ZNF532: variants seen among roughly 807,000 people sequenced by gnomAD.
The protein encoded by ZNF532 is zinc finger protein 532.
ZNF532 carries 22 observed loss-of-function variants against 89.3 expected under a neutral mutation model. The ratio of observed to expected loss-of-function variants is 0.25; its 90% CI spans 0.18 to 0.35. The LOEUF is 0.35. Ranked by LOEUF, ZNF532 falls within the 10% of genes least tolerant of loss-of-function variation. ZNF532 has a pLI of 1.00. For synonymous variants in ZNF532, 606 were observed against 649.6 expected (o/e 0.93, Z 1.02); for missense variants, 1,132 against 1,643.4 (o/e 0.69, Z 5.38).
In ZNF532 at chr18:58,972,512, T is replaced by C. The variant is rs953901257; in HGVS notation, c.3151-6543T>C. Among the ~76,000 whole-genome samples the C allele has an allele frequency of 7.2e-5, 11 of 152,292 alleles. No homozygotes were observed. The East Asian group carries it at 2.1e-3, about 29-fold the overall frequency. ...GAAGTCTAAAATGTACCATACGTGC[T>C]TCATTTTGAAAATGGAAGCTGCTGA... On this transcript the variant is annotated intron_variant, in intron 7 of 9. Coordinates refer to ENST00000591808, the MANE Select transcript of ZNF532 (RefSeq NM_001375912.1).
rs7408091 is a variant in ZNF532, at chr18:58,940,969, C to T, written c.2705+1348C>T. ...ACACACACACACACACTCTTTCTCTCTCTCTCTCTCTCTCTCTCTCTCCTG... is the reference window on the plus strand; with the variant it reads ...ACACACACACACACACTCTTTCTCTTTCTCTCTCTCTCTCTCTCTCTCCTG... On this transcript the variant is annotated intron_variant, in intron 5 of 9. Transcript: ENST00000591808. 2.1e-4 allele frequency among the ~76,000 whole-genome samples: 30 copies of T among 143,224 alleles called. No individual in the cohort carries two copies. The East Asian group carries it at 3.0e-3, about 14-fold the overall frequency. 94.0% of individuals were successfully genotyped at this position (143,224 alleles called of 152,430 possible). A position where few individuals can be genotyped will look rare whatever the true frequency, so the allele number is the denominator to read the frequency against.
intron 2 of ZNF532, among the ~76,000 whole-genome samples, chr18:58,888,810 A>ATTT (rs2058597645): frequency 8.5e-5 from 1 of 11,760 alleles, no homozygotes; most frequent in Non-Finnish European, 1.4e-4. Context: ...TATATATATA[A>ATTT]AAAATTATAT....
intron 6 of ZNF532, among the ~76,000 whole-genome samples, chr18:58,949,385 T>G (rs1431429437): frequency 6.6e-6 from 1 of 152,170 alleles, no homozygotes; most frequent in Non-Finnish European, 1.5e-5. Flanking sequence ...TCTCTTTCTT[T>G]TAGTTTTGCT....
At chr18:58,871,488 C>T (rs1455519351) in intron 2 of ZNF532, among the ~76,000 whole-genome samples, 4 of 152,166 alleles carry the variant, frequency 2.6e-5, no homozygotes, top group Non-Finnish European at 4.4e-5. Context: ...CCTCCCAGCT[C>T]GTAAGTGGAA....
chr18:58,893,872 C>T (rs747933812), intron 2 of ZNF532, among the ~76,000 whole-genome samples: 21 of 152,094 alleles, frequency 1.4e-4, no homozygotes, highest in Non-Finnish European at 2.6e-4. Context: ...AATGGTGACT[C>T]GTTTTTACCT....
chr18:58,909,897 A>G (rs997319655), intron 2 of ZNF532, among the ~76,000 whole-genome samples: 2 of 152,174 alleles, frequency 1.3e-5, no homozygotes, highest in Non-Finnish European at 2.9e-5. Flanking sequence ...GTATTATGTC[A>G]CATAGCCTGG....
intron 7 of ZNF532, among the ~76,000 whole-genome samples, chr18:58,960,041 C>T (rs1021971877): frequency 6.6e-6 from 1 of 152,146 alleles, no homozygotes; most frequent in East Asian, 1.9e-4. Context: ...CAGGTTCAAG[C>T]GATTCTCCTG....
intron 3 of ZNF532, 105 bp downstream of exon 3, chr18:58,920,738 GT>G: frequency 2.4e-4 from 1 of 4,084 alleles, no homozygotes; most frequent in East Asian, 0.013. Context: ...AAATGGACGT[GT>G]GTGTGTGTGT....
rs1279461356 is a variant in ZNF532, at chr18:58,918,122, T to C, written c.-17-149T>C. The C allele has an allele frequency of 8.4e-6, 6 of 714,112 alleles. No homozygotes were observed. In the African/African-American group the frequency reaches 1.1e-4, roughly 13 times the overall value. The allele number at this position is 714,112 out of a possible 1,614,324, so 44.2% of individuals were successfully genotyped here. On this transcript the variant is annotated intron_variant, in intron 2 of 9. Coordinates refer to ENST00000591808, the MANE Select transcript of ZNF532 (RefSeq NM_001375912.1). ...TGTATTTTCTCGATGTTTGTCCACT[T>C]GGACTCAGAGTTTCGTAGTTACCGT...
At chr18:58,905,423 C>T (rs1288803488) in intron 2 of ZNF532, among the ~76,000 whole-genome samples, 2 of 134,244 alleles carry the variant, frequency 1.5e-5, no homozygotes, top group African/African-American at 5.7e-5. Context: ...TTTTTTAAGA[C>T]AAGGTCTGGC....
chr18:58,898,102 G>A (rs2059365806), intron 2 of ZNF532, among the ~76,000 whole-genome samples: 1 of 152,208 alleles, frequency 6.6e-6, no homozygotes, highest in African/African-American at 2.4e-5. Context: ...CAGTGAATTT[G>A]AATTTTTTGG....
chr18:58,884,860 G>A (rs1399169641), intron 2 of ZNF532, among the ~76,000 whole-genome samples: 3 of 151,964 alleles, frequency 2.0e-5, no homozygotes, highest in Non-Finnish European at 2.9e-5. Flanking sequence ...TGAATAACCC[G>A]TTTCAAGCAA....
Position 58,959,271 on chromosome 18 carries a change from T to G in ZNF532, c.3150+5472T>G, listed in dbSNP as rs577095678. On this transcript the variant is annotated intron_variant, in intron 7 of 9. Coordinates refer to ENST00000591808, the MANE Select transcript of ZNF532 (RefSeq NM_001375912.1). ...GTTTTTTGTTTTTTGTTTTTTTTTG[T>G]TTTTTTTTGGTTTTTTTTTTTGACA... 1.5e-3 allele frequency among the ~76,000 whole-genome samples: 210 copies of G among 136,806 alleles called. 4 individuals are homozygous for G. The highest frequency in any genetic ancestry group is 3.6e-3 in the Middle Eastern group (1 of 280). The allele number at this position is 136,806 out of a possible 152,430, so 89.8% of individuals were successfully genotyped here.
chr18:58,919,254 G>A lies in ZNF532; in HGVS notation c.967G>A (p.Gly323Arg), dbSNP rs372041338. ...TCCTGAATCCCAGAATCTCATCGAC[G>A]GGACCAAAAAACCATCCCTGAAGCA... The part of the protein sequence containing the change: ...KSPESQNLID[G>R]TKKPSLKQPD... Residue 323 changes from glycine to arginine, a missense_variant, in exon 3 of 10, where the codon GGG (glycine) becomes AGG (arginine). Gly to Arg is a moderately radical substitution (Grantham distance 125). Transcript: ENST00000591808. This position sits in a 1 kb window ranked among gnomAD's most constrained non-coding sequence, Gnocchi z 6.1. 4 of 1,613,912 alleles carry A rather than the reference G, an allele frequency of 2.5e-6. No homozygotes were observed. In the Admixed American group the frequency reaches 5.0e-5, roughly 20 times the overall value.
intron 2 of ZNF532, among the ~76,000 whole-genome samples, chr18:58,884,599 A>G (rs1285870053): frequency 6.6e-6 from 1 of 152,226 alleles, no homozygotes. Flanking sequence ...TTTTGAAGCT[A>G]CAGTTTTTAG....
intron 2 of ZNF532, among the ~76,000 whole-genome samples, chr18:58,917,558 T>A (rs1414353546): frequency 6.6e-6 from 1 of 152,192 alleles, no homozygotes; most frequent in African/African-American, 2.4e-5. Context: ...CATGTATTCA[T>A]ATATCCTTCA....
intron 2 of ZNF532, among the ~76,000 whole-genome samples, chr18:58,866,156 G>GTGGA (rs780057414): frequency 6.6e-6 from 1 of 152,186 alleles, no homozygotes; most frequent in Non-Finnish European, 1.5e-5. Flanking sequence ...TATGTTTAAT[G>GTGGA]TGGAATACTA....
chr18:58,964,535 T>TTGTGTGTGTGTG (rs200298951), intron 7 of ZNF532, among the ~76,000 whole-genome samples: 2 of 138,554 alleles, frequency 1.4e-5, no homozygotes, highest in African/African-American at 2.7e-5. Context: ...GATATTTTGT[T>TTGTGTGTGTGTG]TGTGTGTGTG....
chr18:58,962,683 A>G (rs565876110), intron 7 of ZNF532, among the ~76,000 whole-genome samples: 45 of 151,236 alleles, frequency 3.0e-4, no homozygotes, highest in African/African-American at 1.0e-3. Context: ...ACTCACTGCA[A>G]GCTCCCACCC....
Sources: gnomAD v4.1 joint callset for allele counts (sites outside exome capture counted in the v4.1 genomes callset) on GRCh38, gnomAD v4.1.1 for gene constraint, Gnocchi (gnomAD v3.1) non-coding constraint, MANE v1.5 for transcripts, NCBI Gene and HGNC (gene_info 2026-07-23, HGNC 2026-07-21) for gene names.